The following EVA1A variants were observed in gnomAD, a reference collection of about 807,000 sequenced individuals.
EVA1A encodes the protein protein eva-1 homolog A.
In EVA1A, 7 loss-of-function variants were observed where a neutral mutation model predicts 9.8. The ratio of observed to expected loss-of-function variants is 0.71; its 90% CI spans 0.41 to 1.34. The LOEUF is 1.34. Ranked by LOEUF, EVA1A falls within the 40% of genes most tolerant of loss-of-function variation. The probability of loss-of-function intolerance (pLI) is 0.01; values close to 1 mark genes in which losing one functional copy is unlikely to be tolerated. For synonymous variants in EVA1A, 90 were observed against 85.6 expected, an observed-to-expected ratio of 1.05 and a Z score of -0.28; for missense variants, 206 against 205.9, an observed-to-expected ratio of 1.00 and a Z score of 0.00.
At chr2:75,533,880 T>C (rs111347881) in intron 1 of EVA1A, among the ~76,000 whole-genome samples, 1 of 151,962 alleles carries the variant, frequency 6.6e-6, no homozygotes, top group Non-Finnish European at 1.5e-5. Flanking sequence ...GGCGCGATCT[T>C]GGCTCACTGC....
At chr2:75,512,363 T>A (rs1467567850) in intron 3 of EVA1A, among the ~76,000 whole-genome samples, 1 of 151,510 alleles carries the variant, frequency 6.6e-6, no homozygotes, top group African/African-American at 2.4e-5. Flanking sequence ...TGTGGGAGAG[T>A]GTGGGTGGGT....
chr2:75,525,546 G>T (rs1489331533), intron 1 of EVA1A, among the ~76,000 whole-genome samples: 1 of 152,170 alleles, frequency 6.6e-6, no homozygotes, highest in Non-Finnish European at 1.5e-5. Flanking sequence ...TGTTGAGGGG[G>T]CTCTTGTGTT....
intron 1 of EVA1A, among the ~76,000 whole-genome samples, chr2:75,526,723 A>T (rs922960193): frequency 6.6e-6 from 1 of 152,260 alleles, no homozygotes; most frequent in African/African-American, 2.4e-5. Flanking sequence ...AGGCAGAGAA[A>T]TTGAACAGAA....
intron 3 of EVA1A, among the ~76,000 whole-genome samples, chr2:75,494,210 C>T (rs1409053172): frequency 2.0e-5 from 3 of 152,114 alleles, no homozygotes; most frequent in East Asian, 3.9e-4. Context: ...ACATGTAGAT[C>T]GAAAATACAT....
intron 1 of EVA1A, chr2:75,558,599 G>A (rs889787231): frequency 6.6e-6 from 1 of 152,234 alleles, no homozygotes; most frequent in African/African-American, 2.4e-5. Flanking sequence ...TGGTCTGTAG[G>A]AACTGAAGAA....
At chr2:75,565,551 C>A (rs1483792240), upstream of EVA1A, among the ~76,000 whole-genome samples, 1 of 152,138 alleles carries the variant, frequency 6.6e-6, no homozygotes, top group African/African-American at 2.4e-5. Flanking sequence ...TTTCCTACCC[C>A]ACAAGGTAGG....
chr2:75,547,767 T>A (rs72816731), intron 1 of EVA1A, among the ~76,000 whole-genome samples: 1 of 152,078 alleles, frequency 6.6e-6, no homozygotes, highest in South Asian at 2.1e-4. Context: ...TCTCTCCCCA[T>A]CCTCCAATTC....
intron 1 of EVA1A, among the ~76,000 whole-genome samples, chr2:75,547,911 T>C (rs1676387589): frequency 6.6e-6 from 1 of 152,218 alleles, no homozygotes; most frequent in African/African-American, 2.4e-5. Flanking sequence ...ACTCACTCAC[T>C]CATTTGCATA....
intron 3 of EVA1A, chr2:75,517,683 A>G (rs1675062657): frequency 1.5e-6 from 1 of 654,216 alleles, no homozygotes; most frequent in African/African-American, 1.8e-5. Flanking sequence ...AGTCTCACAC[A>G]CAGGCAGCCT....
Position 75,518,241 on chromosome 2 carries a change from C to T in EVA1A, c.-68-33G>A, listed in dbSNP as rs1572960677. 7.2e-6 allele frequency: 11 copies of T among 1,525,662 alleles called. No homozygotes were observed. In the East Asian group the frequency reaches 2.6e-4, roughly 36 times the overall value. The allele number at this position is 1,525,662 out of a possible 1,614,324, so 94.5% of individuals were successfully genotyped here. ...GGAACATAAAGTGAGTGATAAGAAA[C>T]ATTCTGCTGTCCTGAGGCCATGTTC... On this transcript the variant is annotated intron_variant, in intron 2 of 3. Coordinates refer to ENST00000393913, the MANE Select transcript of EVA1A (RefSeq NM_001135032.2).
At chr2:75,524,758 CTTCT>C (rs1675361649) in intron 1 of EVA1A, among the ~76,000 whole-genome samples, 2 of 152,010 alleles carry the variant, frequency 1.3e-5, no homozygotes, top group Non-Finnish European at 2.9e-5. Flanking sequence ...ACCTTCCTTC[CTTCT>C]GTCTCTAAGG....
At chr2:75,554,370 G>C (rs913934885) in intron 1 of EVA1A, among the ~76,000 whole-genome samples, 4 of 152,194 alleles carry the variant, frequency 2.6e-5, no homozygotes, top group Non-Finnish European at 4.4e-5. Context: ...AGGAGGAAGA[G>C]AGTTTTTGAA....
intron 1 of EVA1A, among the ~76,000 whole-genome samples, chr2:75,569,110 C>A (rs1029551596): frequency 6.6e-6 from 1 of 152,106 alleles, no homozygotes; most frequent in African/African-American, 2.4e-5. Flanking sequence ...CCTTTCATCA[C>A]GTCCATGCCA....
At chr2:75,537,899 T>G (rs1416054113) in intron 1 of EVA1A, among the ~76,000 whole-genome samples, 1 of 152,352 alleles carries the variant, frequency 6.6e-6, no homozygotes, top group South Asian at 2.1e-4. Flanking sequence ...GCTATGCTTG[T>G]ACAGTCTGCA....
chr2:75,493,305 G>C lies in EVA1A; in HGVS notation c.390C>G (p.Ile130Met). The C allele has an allele frequency of 6.2e-7, 1 of 1,614,100 alleles. No homozygotes were observed. Among genetic ancestry groups the C allele is most frequent in the Non-Finnish European group, 8.5e-7 (1 of 1,179,986 alleles). Residue 130 changes from isoleucine to methionine, a missense_variant, in exon 4 of 4, where the codon ATC becomes ATG. Coordinates refer to ENST00000393913, the MANE Select transcript of EVA1A (RefSeq NM_001135032.2). ...GGCCATTCATCCAGATCTCCCTGAT[G>C]ATGCGCTCGCGCTCCTCCAGCCGCT... ...RAQRLEERER[I>M]IREIWMNGQP...
In EVA1A at chr2:75,518,186, G is replaced by T. The variant is rs750530533; in HGVS notation, c.-46C>A. Reference sequence around the variant, plus strand: ...CCTGGAGGTGCTTGGCTGAATCAACGTGGCCACTCTCCTTCTTCTCTTCTG... The same window carrying T: ...CCTGGAGGTGCTTGGCTGAATCAACTTGGCCACTCTCCTTCTTCTCTTCTG... On this transcript the variant is annotated 5_prime_UTR_variant, in exon 3 of 4. Transcript: ENST00000393913. 2.5e-6 allele frequency: 4 copies of T among 1,604,682 alleles called. No individual in the cohort carries two copies.
At chr2:75,529,389 A>G (rs1333057384) in intron 1 of EVA1A, among the ~76,000 whole-genome samples, 1 of 152,242 alleles carries the variant, frequency 6.6e-6, no homozygotes, top group Admixed American at 6.5e-5. Context: ...ATACCCTAGA[A>G]CAAAGGAACT....
chr2:75,518,084 G>A lies in EVA1A; in HGVS notation c.57C>T (p.Asn19=). 1 of 1,614,170 alleles carries A rather than the reference G, an allele frequency of 6.2e-7. No homozygotes were observed. The highest frequency in any genetic ancestry group is 8.5e-7 in the Non-Finnish European group (1 of 1,180,022). ...AGACAAAGGAATAGGCCGCTAGGATGTTGCTGAGCAAAGCCATCTCCACGT... is the reference window on the plus strand; with the variant it reads ...AGACAAAGGAATAGGCCGCTAGGATATTGCTGAGCAAAGCCATCTCCACGT... ...PEHVEMALLS[N]ILAAYSFVSE... is the part of the protein sequence containing the mutation. The change falls in exon 3 of 4, where the codon AAC becomes AAT. Residue 19 remains asparagine, a synonymous_variant. Transcript: ENST00000393913.
At chr2:75,529,667 T>A (rs185831488) in intron 1 of EVA1A, among the ~76,000 whole-genome samples, 6 of 152,246 alleles carry the variant, frequency 3.9e-5, no homozygotes, top group Non-Finnish European at 7.4e-5. Context: ...AACGATGAAA[T>A]AAAGATGGAA....
Sources: allele counts gnomAD v4.1 joint callset (sites outside exome capture counted in the v4.1 genomes callset), GRCh38; gene constraint gnomAD v4.1.1; transcripts MANE v1.5; gene names NCBI Gene and HGNC (gene_info 2026-07-23, HGNC 2026-07-21).